The following VTI1A variants were observed in gnomAD, a reference collection of about 807,000 sequenced individuals.
VTI1A encodes the protein vesicle transport through interaction with t-SNAREs homolog 1A.
In VTI1A, 22 loss-of-function variants were observed where a neutral mutation model predicts 34.9. The observed-to-expected ratio is 0.63, with a 90% CI of 0.45 to 0.90. The LOEUF is 0.90. VTI1A is among the 40% of genes least tolerant of loss of function. The pLI, the probability that VTI1A is intolerant of heterozygous loss-of-function variation, is 0.00. For missense variants in VTI1A, 268 were observed against 275.6 expected (o/e 0.97, Z 0.20); for synonymous variants, 87 against 97.3 (o/e 0.89, Z 0.62).
chr10:112,677,931 TTA>T (rs1831173804), intron 7 of VTI1A: 1 of 152,246 alleles, frequency 6.6e-6, no homozygotes, highest in African/African-American at 2.4e-5. Context: ...CACGGCCATG[TTA>T]CCCTGATGTA....
At chr10:112,713,391 T>C (rs1849498331) in intron 7 of VTI1A, among the ~76,000 whole-genome samples, 1 of 152,234 alleles carries the variant, frequency 6.6e-6, no homozygotes, top group South Asian at 2.1e-4. Context: ...TTAAGGGTAC[T>C]TAAATGCTAA....
intron 5 of VTI1A, among the ~76,000 whole-genome samples, chr10:112,559,640 A>T (rs1011564): frequency 5.3e-5 from 8 of 152,142 alleles, no homozygotes; most frequent in African/African-American, 1.2e-4. Flanking sequence ...ACAGTGGATT[A>T]TCTCTTTATC....
At chr10:112,624,444 A>AT (rs1845844215) in intron 5 of VTI1A, among the ~76,000 whole-genome samples, 1 of 151,984 alleles carries the variant, frequency 6.6e-6, no homozygotes, top group Non-Finnish European at 1.5e-5. Flanking sequence ...ATACATTTTC[A>AT]TTTTTTATGT....
chr10:112,814,222 A>T (rs1008142779), intron 7 of VTI1A, among the ~76,000 whole-genome samples: 1 of 152,126 alleles, frequency 6.6e-6, no homozygotes, highest in African/African-American at 2.4e-5. Context: ...CTCCCCATGG[A>T]AGACCCATGT....
At chr10:112,558,635 T>C (rs1370785266) in intron 5 of VTI1A, among the ~76,000 whole-genome samples, 2 of 152,206 alleles carry the variant, frequency 1.3e-5, no homozygotes, top group Non-Finnish European at 2.9e-5. Context: ...CTAGTAAAAG[T>C]TCACTTGGTG....
intron 5 of VTI1A, among the ~76,000 whole-genome samples, chr10:112,606,640 C>G (rs141608097): frequency 1.3e-5 from 2 of 152,238 alleles, no homozygotes; most frequent in East Asian, 1.9e-4. Context: ...CTAGTACTTT[C>G]TTCATATTAC....
chr10:112,491,655 A>C (rs543084457), intron 3 of VTI1A, among the ~76,000 whole-genome samples: 3 of 152,238 alleles, frequency 2.0e-5, no homozygotes, highest in Non-Finnish European at 4.4e-5. Flanking sequence ...ATAAATATTA[A>C]AAATTTTAAT....
chr10:112,593,468 C>T (rs1206473315), intron 5 of VTI1A, among the ~76,000 whole-genome samples: 3 of 152,274 alleles, frequency 2.0e-5, no homozygotes, highest in South Asian at 4.1e-4. Flanking sequence ...GTAGTTCTGA[C>T]GAAAAGCCAG....
intron 3 of VTI1A, among the ~76,000 whole-genome samples, chr10:112,507,407 C>T (rs926225904): frequency 2.0e-5 from 3 of 152,192 alleles, no homozygotes; most frequent in Admixed American, 2.0e-4. Flanking sequence ...CTAAACCTTA[C>T]AAATGTAGTT....
intron 7 of VTI1A, among the ~76,000 whole-genome samples, chr10:112,776,200 G>A (rs1045355299): frequency 3.3e-5 from 5 of 152,218 alleles, no homozygotes; most frequent in East Asian, 1.9e-4. Context: ...GAGGGTAATC[G>A]TGGGCAGATC....
At chr10:112,805,550 CT>C (rs1315455871) in intron 7 of VTI1A, among the ~76,000 whole-genome samples, 30 of 152,208 alleles carry the variant, frequency 2.0e-4, no homozygotes, top group African/African-American at 6.8e-4. Flanking sequence ...CCTCTGGTAC[CT>C]CAGAATATGA....
At chr10:112,639,861 C>T (rs1846501693) in intron 5 of VTI1A, among the ~76,000 whole-genome samples, 1 of 152,202 alleles carries the variant, frequency 6.6e-6, no homozygotes, top group South Asian at 2.1e-4. Flanking sequence ...TGGCTTATGC[C>T]AGTTTTCTGC....
intron 7 of VTI1A, among the ~76,000 whole-genome samples, chr10:112,791,569 T>G (rs571136513): frequency 6.6e-6 from 1 of 152,188 alleles, no homozygotes; most frequent in South Asian, 2.1e-4. Context: ...CTTCTGCACC[T>G]TTCTTGCTAA....
chr10:112,655,696 G>T (rs1847206174), intron 5 of VTI1A, among the ~76,000 whole-genome samples: 1 of 152,168 alleles, frequency 6.6e-6, no homozygotes, highest in Non-Finnish European at 1.5e-5. Context: ...AATCTTATGA[G>T]TACCAAAGGC....
intron 1 of VTI1A, among the ~76,000 whole-genome samples, chr10:112,452,764 A>T (rs1036836963): frequency 4.7e-5 from 7 of 147,508 alleles, no homozygotes; most frequent in African/African-American, 1.3e-4. Context: ...TAAACTTTTT[A>T]TTTTAGAACA....
In VTI1A at chr10:112,815,935, C is replaced by T. The variant is rs375862673; in HGVS notation, c.*552C>T. The T allele has an allele frequency of 2.6e-5, 6 of 230,768 alleles. No homozygotes were observed. The highest frequency in any genetic ancestry group is 2.5e-4 in the East Asian group (4 of 16,196). 14.3% of individuals were successfully genotyped at this position (230,768 alleles called of 1,614,324 possible). On this transcript the variant is annotated 3_prime_UTR_variant, in exon 8 of 8. Coordinates refer to ENST00000393077, the MANE Select transcript of VTI1A (RefSeq NM_145206.4). ...CATTGTAAAGGTCGGTATTTAATGT[C>T]GGTTGTACAGGAAATTGACTTAGCA...
chr10:112,574,015 A>G (rs1199840534), intron 5 of VTI1A, among the ~76,000 whole-genome samples: 1 of 152,228 alleles, frequency 6.6e-6, no homozygotes, highest in African/African-American at 2.4e-5. Flanking sequence ...TCATTCTCAT[A>G]GATCTCTACA....
rs1444742688 is a variant in VTI1A at position 112,447,365 on chromosome 10, G to A, written c.-9G>A. The A allele has an allele frequency of 6.2e-7, 1 of 1,612,206 alleles. No individual in the cohort carries two copies. Among genetic ancestry groups the A allele is most frequent in the African/African-American group, 1.3e-5 (1 of 74,838 alleles). On this transcript the variant is annotated 5_prime_UTR_variant, in exon 1 of 8. Coordinates refer to ENST00000393077, the MANE Select transcript of VTI1A (RefSeq NM_145206.4). ...GGCTTTGGCCTGGGCTACTCGTTCCGGAGCCGCCATGTCGTCCGACTTCGA... is the reference window on the plus strand; with the variant it reads ...GGCTTTGGCCTGGGCTACTCGTTCCAGAGCCGCCATGTCGTCCGACTTCGA...
chr10:112,662,338 A>G (rs1272716874), intron 5 of VTI1A, among the ~76,000 whole-genome samples: 3 of 152,184 alleles, frequency 2.0e-5, no homozygotes, highest in African/African-American at 7.2e-5. Context: ...TATTGATGCT[A>G]TGTTCATTTT....
Sources: allele counts gnomAD v4.1 joint callset (sites outside exome capture counted in the v4.1 genomes callset), GRCh38; gene constraint gnomAD v4.1.1; transcripts MANE v1.5; gene names NCBI Gene and HGNC (gene_info 2026-07-23, HGNC 2026-07-21).